The following PCDH7 variants were observed in gnomAD, a reference collection of about 807,000 sequenced individuals.
The protein encoded by PCDH7 is protocadherin 7.
In PCDH7, 17 loss-of-function variants were observed where a neutral mutation model predicts 58.9. The observed-to-expected ratio is 0.29, with a 90% confidence interval of 0.20 to 0.43. PCDH7 has a LOEUF of 0.43. Ranked by LOEUF, PCDH7 falls within the 20% of genes least tolerant of loss-of-function variation. PCDH7 has a pLI of 1.00. For missense variants in PCDH7, 1,274 were observed against 1,441.0 expected (o/e 0.88, Z 1.88); for synonymous variants, 664 against 616.4 (o/e 1.08, Z -1.14).
chr4:30,840,300 T>A lies in PCDH7; in HGVS notation c.71-79853T>A, dbSNP rs186954617. Among the ~76,000 whole-genome samples, 7 of 152,234 alleles carry A rather than the reference T, an allele frequency of 4.6e-5. No individual in the cohort carries two copies. The East Asian group carries it at 1.4e-3, about 29-fold the overall frequency. On this transcript the variant is annotated intron_variant, in intron 1 of 3. Transcript: ENST00000509759. The stretch of plus-strand genomic sequence containing the variant: ...GCCTTGCTCTGTCGGATGTCCTTAT[T>A]CTTTCCACTTCTTTTCTCATTTGGA...
chr4:30,722,607 G>A lies in PCDH7; in HGVS notation c.1185G>A (p.Lys395=). The A allele has an allele frequency of 6.2e-7, 1 of 1,613,246 alleles. No homozygotes were observed. The highest frequency in any genetic ancestry group is 8.5e-7 in the Non-Finnish European group (1 of 1,180,036). The change falls in exon 1 of 2, where the codon AAG becomes AAA. Residue 395 remains lysine, a synonymous_variant. Coordinates refer to ENST00000361762, the Ensembl canonical transcript of PCDH7. The surrounding 1 kb of genome is among the most constrained non-coding windows in gnomAD (Gnocchi z 7.6). ...CCCGCGACCGCGGGCAGCCCCCCAA[G>A]ACCGACAAGGCCACCGTGGTCCTTA...
chr4:31,055,169 T>G (rs764139960), intron 3 of PCDH7, among the ~76,000 whole-genome samples: 1 of 152,300 alleles, frequency 6.6e-6, no homozygotes, highest in South Asian at 2.1e-4. Flanking sequence ...TTTTTTTATT[T>G]ATGTCATCCA....
chr4:30,729,556 A>G (rs907480720), intron 1 of PCDH7, among the ~76,000 whole-genome samples: 3 of 152,070 alleles, frequency 2.0e-5, no homozygotes, highest in African/African-American at 7.2e-5. Context: ...AACAATGATA[A>G]CAGACATAAG....
At chr4:31,037,285 A>C (rs1755493340) in intron 3 of PCDH7, among the ~76,000 whole-genome samples, 1 of 152,206 alleles carries the variant, frequency 6.6e-6, no homozygotes. Flanking sequence ...GGGAATAACA[A>C]TGTAACCTAA....
At chr4:31,141,873 G>A (rs189133869) in intron 3 of PCDH7, among the ~76,000 whole-genome samples, 1 of 152,248 alleles carries the variant, frequency 6.6e-6, no homozygotes, top group Non-Finnish European at 1.5e-5. Flanking sequence ...TTGCTAGTAT[G>A]CTTATACCTG....
chr4:31,019,981 CA>C (rs374161434), intron 3 of PCDH7, among the ~76,000 whole-genome samples: 40 of 152,058 alleles, frequency 2.6e-4, no homozygotes, highest in Admixed American at 6.5e-4. Context: ...ATTTTGCAAA[CA>C]AAATGAAGTA....
intron 2 of PCDH7, chr4:30,925,963 T>C (rs556676916): frequency 7.9e-5 from 12 of 152,314 alleles, no homozygotes; most frequent in Admixed American, 6.5e-4. Flanking sequence ...TCAGTTTGAA[T>C]CCTGGCTTTA....
At chr4:30,831,859 C>G (rs1729832300) in intron 1 of PCDH7, among the ~76,000 whole-genome samples, 1 of 148,448 alleles carries the variant, frequency 6.7e-6, no homozygotes, top group African/African-American at 2.4e-5. Context: ...CTCTGCTAGT[C>G]AAGTTTTTTT....
intron 3 of PCDH7, among the ~76,000 whole-genome samples, chr4:30,956,027 A>G (rs1300521144): frequency 6.7e-6 from 1 of 149,498 alleles, no homozygotes; most frequent in African/African-American, 2.5e-5. Context: ...TACTGAAAAT[A>G]CAAAAACAAA....
intron 2 of PCDH7, chr4:30,935,267 T>G: frequency 1.3e-6 from 1 of 762,918 alleles, no homozygotes; most frequent in Non-Finnish European, 1.6e-6. Context: ...AGACTTGCAA[T>G]GTTCATAATA....
At chr4:31,050,437 G>A (rs1435264967) in intron 3 of PCDH7, among the ~76,000 whole-genome samples, 1 of 152,034 alleles carries the variant, frequency 6.6e-6, no homozygotes, top group East Asian at 1.9e-4. Context: ...AAATAAAATA[G>A]AATAATGAGG....
intron 3 of PCDH7, among the ~76,000 whole-genome samples, chr4:30,965,391 G>T (rs1217628913): frequency 6.6e-6 from 1 of 151,894 alleles, no homozygotes; most frequent in East Asian, 1.9e-4. Flanking sequence ...TAATTTTAGA[G>T]AACAAGAAAT....
Position 30,721,766 on chromosome 4 carries a change from C to G in PCDH7, c.344C>G (p.Ser115Trp). The G allele has an allele frequency of 1.2e-6, 2 of 1,613,722 alleles. No individual in the cohort carries two copies. The highest frequency in any genetic ancestry group is 1.1e-5 in the South Asian group (1 of 91,046). The change falls in exon 1 of 2, where the codon TCG becomes TGG. Residue 115 changes from serine (S) to tryptophan (W), a missense_variant. Ser to Trp is a radical substitution (Grantham distance 177). This residue lies in a region of PCDH7 where 212 missense variants were observed against 255.8 expected (regional missense o/e 0.83). Coordinates refer to ENST00000361762, the Ensembl canonical transcript of PCDH7. This position sits in a 1 kb window ranked among gnomAD's most constrained non-coding sequence, Gnocchi z 6.7. ...GAGTGCTTCCTGGACTTCGAGGTGT[C>G]GGTGATCGGGCCCTCGCAGAGCTGG...
At chr4:31,118,668 A>G (rs1717287592) in intron 3 of PCDH7, among the ~76,000 whole-genome samples, 1 of 152,218 alleles carries the variant, frequency 6.6e-6, no homozygotes, top group Non-Finnish European at 1.5e-5. Flanking sequence ...GTACAAATGA[A>G]CAAGAGCTAA....
chr4:31,082,936 G>T (rs557982195), intron 3 of PCDH7, among the ~76,000 whole-genome samples: 1 of 151,962 alleles, frequency 6.6e-6, no homozygotes, highest in Non-Finnish European at 1.5e-5. Context: ...GTGAAACCCC[G>T]TCTCTACTAA....
chr4:30,882,615 G>A (rs77443314), intron 1 of PCDH7, among the ~76,000 whole-genome samples: 2,695 of 152,120 alleles, frequency 0.018, 81 homozygotes, highest in African/African-American at 0.061. Context: ...CGTACCAGTT[G>A]GTAAAATAAA....
chr4:30,877,011 G>C (rs1442180810), intron 1 of PCDH7, among the ~76,000 whole-genome samples: 1 of 152,028 alleles, frequency 6.6e-6, no homozygotes, highest in Non-Finnish European at 1.5e-5. Context: ...CACAGTCCCT[G>C]ATAGGGATTA....
At chr4:31,081,393 A>G (rs1237782571) in intron 3 of PCDH7, among the ~76,000 whole-genome samples, 2 of 152,332 alleles carry the variant, frequency 1.3e-5, no homozygotes, top group Middle Eastern at 3.4e-3. Context: ...ATGAATAACC[A>G]TATATTATAT....
At chr4:30,808,729 G>A (rs577286035) in intron 1 of PCDH7, among the ~76,000 whole-genome samples, 15 of 152,244 alleles carry the variant, frequency 9.9e-5, no homozygotes, top group Non-Finnish European at 1.9e-4. Context: ...CAAATGTGTC[G>A]TGTGAAAAGT....
Sources: gnomAD v4.1 joint callset for allele counts (sites outside exome capture counted in the v4.1 genomes callset) on GRCh38, gnomAD v4.1.1 for gene constraint, gnomAD v4.1.1 regional missense constraint, Gnocchi (gnomAD v3.1) non-coding constraint, MANE v1.5 for transcripts, NCBI Gene and HGNC (gene_info 2026-07-23, HGNC 2026-07-21) for gene names.